The following NLK variants were observed in gnomAD, a reference collection of about 807,000 sequenced individuals.
NLK encodes nemo like kinase.
Under a neutral mutation model 59.0 loss-of-function variants are expected in NLK, and 11 were observed. The ratio of observed to expected loss-of-function variants is 0.19; its 90% CI spans 0.12 to 0.31. The LOEUF (loss-of-function observed/expected upper bound fraction) is 0.31. Ranked by LOEUF, NLK falls within the 10% of genes least tolerant of loss-of-function variation. The pLI, the probability that NLK is intolerant of heterozygous loss-of-function variation, is 1.00. For synonymous variants in NLK, 235 were observed against 235.9 expected, an observed-to-expected ratio of 1.00 and a Z score of 0.03; for missense variants, 410 against 661.1, an observed-to-expected ratio of 0.62 and a Z score of 4.16.
At chr17:28,119,465 C>T (rs1905925131) in intron 1 of NLK, among the ~76,000 whole-genome samples, 1 of 152,082 alleles carries the variant, frequency 6.6e-6, no homozygotes, top group Non-Finnish European at 1.5e-5. Context: ...GCTTTTCTCA[C>T]CATAATAGGG....
intron 3 of NLK, among the ~76,000 whole-genome samples, chr17:28,147,581 T>TA (rs746037552): frequency 1.2e-4 from 18 of 151,924 alleles, no homozygotes; most frequent in Non-Finnish European, 2.2e-4. Context: ...CTAGATTAGT[T>TA]ACCTGGTCTT....
intron 1 of NLK, among the ~76,000 whole-genome samples, chr17:28,056,947 CTT>C (rs934652705): frequency 4.6e-5 from 4 of 86,872 alleles, no homozygotes; most frequent in African/African-American, 1.4e-4. Flanking sequence ...CATTACCTAC[CTT>C]TTTTTTTTTT....
chr17:28,171,251 G>A (rs1017719375), intron 6 of NLK: 1 of 152,298 alleles, frequency 6.6e-6, no homozygotes, highest in East Asian at 1.9e-4. Flanking sequence ...GTAGGGTGTT[G>A]ATGCTGATGG....
chr17:28,124,808 G>C (rs911105489), intron 2 of NLK, among the ~76,000 whole-genome samples: 2 of 151,952 alleles, frequency 1.3e-5, no homozygotes, highest in Admixed American at 6.6e-5. Flanking sequence ...CCAGCACTTT[G>C]GGAGGCCAAG....
chr17:28,132,725 T>C, intron 3 of NLK, 50 bp downstream of exon 3: 1 of 1,472,054 alleles, frequency 6.8e-7, no homozygotes, highest in Non-Finnish European at 9.4e-7. Flanking sequence ...TAAAATTAAT[T>C]TGTTCTTCTA....
chr17:28,184,185 A>G (rs527552359), intron 7 of NLK, among the ~76,000 whole-genome samples: 17 of 152,320 alleles, frequency 1.1e-4, no homozygotes, highest in East Asian at 9.6e-4. Context: ...ATCAAAACCA[A>G]TGGTGTACTT....
intron 1 of NLK, among the ~76,000 whole-genome samples, chr17:28,104,584 A>G (rs1905013342): frequency 6.6e-6 from 1 of 151,978 alleles, no homozygotes; most frequent in South Asian, 2.1e-4. Context: ...GGATGTTGTA[A>G]GTGGTAAATT....
chr17:28,120,276 G>A (rs1905983647), intron 1 of NLK, among the ~76,000 whole-genome samples: 1 of 150,610 alleles, frequency 6.6e-6, no homozygotes, highest in African/African-American at 2.5e-5. Flanking sequence ...GTGTGTGTAT[G>A]TGTGTGTGTA....
In NLK at chr17:28,196,283, T is replaced by C. The variant is rs1351324783; in HGVS notation, c.*1647T>C. ...AGACACTGGTGTGAAAGGTACAATC[T>C]CAGAGGTTGGTCAATTACCGTGGCA... On this transcript the variant is annotated 3_prime_UTR_variant, in exon 11 of 11. Transcript: ENST00000407008. 6.6e-6 allele frequency: 1 copy of C among 152,612 alleles called. No homozygotes were observed. Among genetic ancestry groups the C allele is most frequent in the Non-Finnish European group, 1.5e-5 (1 of 68,030 alleles). The allele number at this position is 152,612 out of a possible 1,614,324, so 9.5% of individuals were successfully genotyped here.
At chr17:28,205,243 T>C in the NLK span, among the ~76,000 whole-genome samples, 1 of 152,250 alleles carries the variant, frequency 6.6e-6, no homozygotes, top group Non-Finnish European at 1.5e-5. Context: ...GGAATAGTAC[T>C]TGGCACAGTG....
intron 1 of NLK, among the ~76,000 whole-genome samples, chr17:28,083,072 T>A (rs534532989): frequency 5.3e-5 from 8 of 152,344 alleles, no homozygotes; most frequent in African/African-American, 1.9e-4. Flanking sequence ...GTTCTTATGA[T>A]ACCATTCCTT....
At chr17:28,201,551 G>T in the NLK span, among the ~76,000 whole-genome samples, 1 of 137,304 alleles carries the variant, frequency 7.3e-6, no homozygotes, top group Non-Finnish European at 1.7e-5. Context: ...CAAAAAAAAA[G>T]AAAAGAAAAG....
In NLK at chr17:28,081,524, C is replaced by G. The variant is rs567572103; in HGVS notation, c.458+38193C>G. Among the ~76,000 whole-genome samples the G allele has an allele frequency of 4.9e-4, 74 of 152,154 alleles. 1 individual carries two copies. Among genetic ancestry groups the G allele is most frequent in the African/African-American group, 1.7e-3 (70 of 41,514 alleles). On this transcript the variant is annotated intron_variant, in intron 1 of 10. Coordinates refer to ENST00000407008, the MANE Select transcript of NLK (RefSeq NM_016231.5). The stretch of plus-strand genomic sequence containing the variant: ...CAGTGTGTTCCATCTCCTGCCACCA[C>G]TCTTTAGGAAAAAAAATAACAAATA...
rs984366292 is a variant in NLK, at chr17:28,144,396, CA to C, written c.644+11740del. ...GAAACACCTGTGTTCCAGGTGAAGC[CA>C]AAAAAAAAAAAAAAAAAACTAAAGC... On this transcript the variant is annotated intron_variant, in intron 3 of 10. Transcript: ENST00000407008. 7.9e-3 allele frequency among the ~76,000 whole-genome samples: 643 copies of C among 81,570 alleles called. 2 individuals carry two copies. The highest frequency in any genetic ancestry group is 0.021 in the Middle Eastern group (3 of 146). 53.5% of individuals were successfully genotyped at this position (81,570 alleles called of 152,430 possible). A position where few individuals can be genotyped will look rare whatever the true frequency, so the allele number is the denominator to read the frequency against.
In NLK at chr17:28,058,660, T is replaced by C. The variant is rs79089388; in HGVS notation, c.458+15329T>C. Among the ~76,000 whole-genome samples, 384 of 152,276 alleles carry C rather than the reference T, an allele frequency of 2.5e-3. 5 individuals carry two copies. The highest frequency in any genetic ancestry group is 8.6e-3 in the African/African-American group (356 of 41,556). On this transcript the variant is annotated intron_variant, in intron 1 of 10. Coordinates refer to ENST00000407008, the MANE Select transcript of NLK (RefSeq NM_016231.5). ...CAGCTACTCAGCCTACTTAGGAGGC[T>C]ATGGCAGGAGGCGCTTTTGAGCCCA...
At chr17:28,189,232 G>A (rs1267659477) in intron 8 of NLK, among the ~76,000 whole-genome samples, 1 of 152,110 alleles carries the variant, frequency 6.6e-6, no homozygotes, top group Non-Finnish European at 1.5e-5. Flanking sequence ...TAATAAAATG[G>A]CACATCTGCA....
chr17:28,172,333 A>G (rs552062551), intron 6 of NLK, among the ~76,000 whole-genome samples, 184 bp from the exon 7 acceptor site: 1 of 152,170 alleles, frequency 6.6e-6, no homozygotes, highest in East Asian at 1.9e-4. Flanking sequence ...TATTTATTAT[A>G]AATTCCTAGA....
At chr17:28,172,837 T>C (rs1908518591) in intron 7 of NLK, among the ~76,000 whole-genome samples, 2 of 152,208 alleles carry the variant, frequency 1.3e-5, no homozygotes, top group African/African-American at 4.8e-5. Context: ...GTGTAGCTCC[T>C]TTGCTAATAG....
At chr17:28,160,601 A>G (rs1024048029) in intron 3 of NLK, among the ~76,000 whole-genome samples, 1 of 152,138 alleles carries the variant, frequency 6.6e-6, no homozygotes, top group African/African-American at 2.4e-5. Flanking sequence ...GATGGTGGGG[A>G]GGGGTGTTTC....
Sources: gnomAD v4.1 joint callset for allele counts (sites outside exome capture counted in the v4.1 genomes callset) on GRCh38, gnomAD v4.1.1 for gene constraint, MANE v1.5 for transcripts, NCBI Gene and HGNC (gene_info 2026-07-23, HGNC 2026-07-21) for gene names.